MITF: variants seen among roughly 807,000 people sequenced by gnomAD.
MITF encodes microphthalmia-associated transcription factor.
Under a neutral mutation model 60.5 loss-of-function variants are expected in MITF, and 17 were observed. That is an observed-to-expected ratio of 0.28 (90% confidence interval 0.19 to 0.42). MITF has a LOEUF of 0.42. MITF is among the 10% of genes least tolerant of loss of function. MITF has a pLI of 1.00. For synonymous variants in MITF, 260 were observed against 248.5 expected (o/e 1.05, Z -0.43); for missense variants, 622 against 683.5 (o/e 0.91, Z 1.00).
intron 1 of MITF, among the ~76,000 whole-genome samples, chr3:69,740,432 G>C (rs1001208677): frequency 1.1e-4 from 17 of 152,200 alleles, no homozygotes; most frequent in Non-Finnish European, 1.9e-4. Flanking sequence ...AGTGTACCCC[G>C]CTTGGCAGAG....
At chr3:69,862,971 T>A (rs1045167277) in intron 1 of MITF, among the ~76,000 whole-genome samples, 44 of 152,284 alleles carry the variant, frequency 2.9e-4, no homozygotes, top group African/African-American at 9.6e-4. Flanking sequence ...TTTGGGTATC[T>A]CTCTCTATCT....
chr3:69,802,272 C>G (rs116155612), intron 1 of MITF, among the ~76,000 whole-genome samples: 1 of 152,100 alleles, frequency 6.6e-6, no homozygotes, highest in African/African-American at 2.4e-5. Context: ...ATAGGACAGC[C>G]TCTGCAACAA....
At chr3:69,923,667 A>G (rs995896759) in intron 2 of MITF, among the ~76,000 whole-genome samples, 3 of 152,148 alleles carry the variant, frequency 2.0e-5, no homozygotes, top group African/African-American at 4.8e-5. Flanking sequence ...GAGTCTCTAT[A>G]TCTTCCCATT....
intron 2 of MITF, among the ~76,000 whole-genome samples, chr3:69,934,873 CT>C (rs1395911051): frequency 6.6e-6 from 1 of 152,206 alleles, no homozygotes; most frequent in Non-Finnish European, 1.5e-5. Context: ...GGCTTGTACT[CT>C]GTGAAACACA....
At position 69,879,154 on chromosome 3, in the gene MITF, G is replaced by A; in HGVS notation, c.125G>A (p.Gly42Glu). ...LKSSSSAEHP[G>E]ASKPPISSSS... ...CACAGCAGTTCCGCCGAGCATCCTG[G>A]GGCCTCCAAGCCTCCGATAAGCTCC... The change falls in exon 2 of 10, where the codon GGG becomes GAG. Residue 42 changes from glycine (G) to glutamate (E), a missense_variant. Coordinates refer to ENST00000352241, the MANE Select transcript of MITF (RefSeq NM_001354604.2). 1 of 1,614,138 alleles carries A rather than the reference G, an allele frequency of 6.2e-7. No homozygotes were observed. The highest frequency in any genetic ancestry group is 1.1e-5 in the South Asian group (1 of 91,080).
chr3:69,919,173 A>G (rs897964928), intron 2 of MITF, among the ~76,000 whole-genome samples: 1 of 152,238 alleles, frequency 6.6e-6, no homozygotes, highest in Non-Finnish European at 1.5e-5. Flanking sequence ...AGTGTTAATT[A>G]AATAATATAC....
chr3:69,772,571 A>G (rs1169058347), intron 1 of MITF, among the ~76,000 whole-genome samples: 1 of 152,224 alleles, frequency 6.6e-6, no homozygotes, highest in Non-Finnish European at 1.5e-5. Context: ...TTTAACCCAG[A>G]GAGTCATGCA....
chr3:69,929,917 A>G (rs1213647505), intron 2 of MITF, among the ~76,000 whole-genome samples: 1 of 152,198 alleles, frequency 6.6e-6, no homozygotes, highest in African/African-American at 2.4e-5. Context: ...AGGGTATGAA[A>G]GAAAGGAGTC....
chr3:69,747,928 A>G (rs531032869), intron 1 of MITF, among the ~76,000 whole-genome samples: 2 of 152,324 alleles, frequency 1.3e-5, no homozygotes, highest in East Asian at 1.9e-4. Context: ...TAAAAAGGAA[A>G]GCCTGAGATT....
chr3:69,813,708 G>A (rs777880442), intron 1 of MITF, among the ~76,000 whole-genome samples: 7 of 152,158 alleles, frequency 4.6e-5, no homozygotes, highest in Non-Finnish European at 8.8e-5. Flanking sequence ...TTTAACAACT[G>A]ACAAATTGAT....
rs932383312 is a variant in MITF at position 69,956,418 on chromosome 3, T to G, written c.956-37T>G. On this transcript the variant is annotated intron_variant, in intron 7 of 9. Transcript: ENST00000352241. ...GATGTGCTAAATGCATACATGGCAC[T>G]GTTACTAATAGCCTTTCCTGTGCTC... 5 of 1,523,792 alleles carry G rather than the reference T, an allele frequency of 3.3e-6. No individual in the cohort carries two copies. The African/African-American group carries it at 6.8e-5, about 21-fold the overall frequency. 94.4% of individuals were successfully genotyped at this position (1,523,792 alleles called of 1,614,324 possible).
intron 2 of MITF, among the ~76,000 whole-genome samples, chr3:69,932,384 A>T (rs1327697908): frequency 1.3e-5 from 2 of 151,572 alleles, no homozygotes; most frequent in African/African-American, 2.4e-5. Flanking sequence ...TCTTCTTTTC[A>T]TTTTTTTTCA....
At chr3:69,759,905 G>A (rs1475931975) in intron 1 of MITF, among the ~76,000 whole-genome samples, 1 of 152,058 alleles carries the variant, frequency 6.6e-6, no homozygotes, top group Admixed American at 6.5e-5. Context: ...AGCCTCCCAA[G>A]TAGCTGGGAC....
At chr3:69,919,203 G>C (rs761249320) in intron 2 of MITF, among the ~76,000 whole-genome samples, 18 of 152,210 alleles carry the variant, frequency 1.2e-4, no homozygotes, top group Non-Finnish European at 2.2e-4. Flanking sequence ...GGAAGCTTCA[G>C]TTTGGCGATT....
intron 1 of MITF, among the ~76,000 whole-genome samples, chr3:69,826,445 A>G (rs1446780340): frequency 6.6e-6 from 1 of 152,148 alleles, no homozygotes; most frequent in Non-Finnish European, 1.5e-5. Context: ...TCCTACTAGG[A>G]TTTAGTTATC....
chr3:69,910,105 C>A (rs2065191011), intron 2 of MITF, among the ~76,000 whole-genome samples: 1 of 152,178 alleles, frequency 6.6e-6, no homozygotes, highest in South Asian at 2.1e-4. Context: ...AGTCTAGGGA[C>A]TTGGTGCCCT....
intron 1 of MITF, among the ~76,000 whole-genome samples, chr3:69,798,855 A>G (rs970993771): frequency 6.6e-6 from 1 of 151,380 alleles, no homozygotes; most frequent in East Asian, 1.9e-4. Context: ...CCACCCTTTC[A>G]CTCTCCTACT....
chr3:69,805,939 G>A (rs2062998644), intron 1 of MITF, among the ~76,000 whole-genome samples: 1 of 152,122 alleles, frequency 6.6e-6, no homozygotes, highest in Non-Finnish European at 1.5e-5. Context: ...GGGATTATAG[G>A]TATGAGCCAC....
At chr3:69,813,002 T>G (rs6805306) in intron 1 of MITF, among the ~76,000 whole-genome samples, 24,934 of 152,106 alleles carry the variant, frequency 0.16, 2,205 homozygotes, top group Non-Finnish European at 0.21. Context: ...AATGCCCAAA[T>G]GTACACTTAA....
Sources: gnomAD v4.1 joint callset for allele counts (sites outside exome capture counted in the v4.1 genomes callset) on GRCh38, gnomAD v4.1.1 for gene constraint, MANE v1.5 for transcripts, NCBI Gene and HGNC (gene_info 2026-07-23, HGNC 2026-07-21) for gene names.